The following GLIS3 variants were observed in gnomAD, a reference collection of about 807,000 sequenced individuals.
The protein encoded by GLIS3 is zinc finger protein GLIS3.
In GLIS3, 53 loss-of-function variants were observed where a neutral mutation model predicts 78.6. The observed-to-expected ratio is 0.67, with a 90% CI of 0.54 to 0.85. The LOEUF is 0.85. GLIS3 is among the 40% of genes least tolerant of loss of function. GLIS3 has a pLI of 0.00. For missense variants in GLIS3, 1,703 were observed against 1,231.1 expected (o/e 1.38, Z -5.74); for synonymous variants, 684 against 509.9 (o/e 1.34, Z -4.60).
At chr9:4,165,031 C>A (rs1835771261) in intron 2 of GLIS3, among the ~76,000 whole-genome samples, 1 of 152,082 alleles carries the variant, frequency 6.6e-6, no homozygotes, top group African/African-American at 2.4e-5. Flanking sequence ...TTGTGGAAAC[C>A]CATGTAGGCT....
chr9:4,012,774 T>C (rs1426357668), intron 4 of GLIS3, among the ~76,000 whole-genome samples: 1 of 140,942 alleles, frequency 7.1e-6, no homozygotes, highest in Non-Finnish European at 1.5e-5. Flanking sequence ...TCTTTTTTTT[T>C]TTTTTTTTTT....
At chr9:4,111,470 T>G (rs1379225716) in intron 4 of GLIS3, among the ~76,000 whole-genome samples, 1 of 152,226 alleles carries the variant, frequency 6.6e-6, no homozygotes, top group Admixed American at 6.5e-5. Context: ...CTGAATTAAA[T>G]GCCTTCTAAA....
intron 2 of GLIS3, among the ~76,000 whole-genome samples, chr9:4,133,143 T>C (rs1270160734): frequency 6.6e-6 from 1 of 152,224 alleles, no homozygotes; most frequent in Non-Finnish European, 1.5e-5. Context: ...CATCTCTATA[T>C]ATAAACTTAT....
chr9:4,450,826 C>G, the GLIS3 span, among the ~76,000 whole-genome samples: 1 of 152,172 alleles, frequency 6.6e-6, no homozygotes, highest in Non-Finnish European at 1.5e-5. Context: ...CCAGGCCTGC[C>G]TTATAAAGAG....
chr9:4,375,056 C>T, the GLIS3 span, among the ~76,000 whole-genome samples: 1 of 152,188 alleles, frequency 6.6e-6, no homozygotes, highest in East Asian at 1.9e-4. Flanking sequence ...TAAAATGATG[C>T]TTTGATTGCT....
chr9:4,303,929 T>C (rs1329907916), upstream of GLIS3, among the ~76,000 whole-genome samples: 1 of 152,234 alleles, frequency 6.6e-6, no homozygotes, highest in Non-Finnish European at 1.5e-5. Flanking sequence ...ATATGTGATG[T>C]TGTAAAATTA....
At chr9:4,370,543 C>G in the GLIS3 span, among the ~76,000 whole-genome samples, 1,171 of 152,208 alleles carry the variant, frequency 7.7e-3, 13 homozygotes, top group African/African-American at 0.026. Context: ...TTTGATCACA[C>G]CCTCTTTTTC....
the GLIS3 span, among the ~76,000 whole-genome samples, chr9:4,458,525 C>G: frequency 1.3e-5 from 2 of 152,194 alleles, no homozygotes; most frequent in African/African-American, 4.8e-5. Flanking sequence ...TGCAGTGGCT[C>G]ACTCCTGTAA....
chr9:4,419,781 AAAACAAAC>A, the GLIS3 span, among the ~76,000 whole-genome samples: 55 of 152,186 alleles, frequency 3.6e-4, no homozygotes, highest in Non-Finnish European at 6.5e-4. Flanking sequence ...CTCTGTCTCA[AAAACAAAC>A]AAACAAACAA....
intron 4 of GLIS3, among the ~76,000 whole-genome samples, chr9:4,077,625 G>C (rs1050994016): frequency 6.6e-6 from 1 of 152,160 alleles, no homozygotes; most frequent in African/African-American, 2.4e-5. Context: ...TGTTCTTTGA[G>C]ACACTGGAAA....
At chr9:3,839,027 C>T (rs867574094) in intron 9 of GLIS3, among the ~76,000 whole-genome samples, 8 of 152,164 alleles carry the variant, frequency 5.3e-5, no homozygotes, top group African/African-American at 1.9e-4. Context: ...GAGAAAGGCC[C>T]AGGGAATCAT....
intron 4 of GLIS3, among the ~76,000 whole-genome samples, chr9:4,014,159 G>A (rs1480285634): frequency 5.3e-5 from 8 of 152,294 alleles, no homozygotes; most frequent in Non-Finnish European, 8.8e-5. Context: ...AAAACCAATG[G>A]CTGGATTTGG....
chr9:4,121,458 G>A (rs181197386), intron 3 of GLIS3, among the ~76,000 whole-genome samples: 26 of 152,258 alleles, frequency 1.7e-4, no homozygotes, highest in African/African-American at 6.0e-4. Flanking sequence ...AAGTAAATAA[G>A]TAATCAATAT....
At chr9:3,941,735 C>G (rs1190118176) in intron 4 of GLIS3, among the ~76,000 whole-genome samples, 1 of 152,228 alleles carries the variant, frequency 6.6e-6, no homozygotes, top group African/African-American at 2.4e-5. Flanking sequence ...CATGAAGCCT[C>G]ACTTTGAGAG....
intron 4 of GLIS3, among the ~76,000 whole-genome samples, chr9:4,086,108 C>T (rs1216500310): frequency 7.2e-5 from 11 of 152,224 alleles, no homozygotes; most frequent in African/African-American, 2.4e-4. Context: ...ATGTCTCTCA[C>T]AATTTGACCT....
At chr9:3,869,761 A>G (rs1451954679) in intron 8 of GLIS3, among the ~76,000 whole-genome samples, 1 of 152,214 alleles carries the variant, frequency 6.6e-6, no homozygotes, top group Non-Finnish European at 1.5e-5. Context: ...AGTACATGGC[A>G]GTATGGAGGT....
chr9:4,049,512 A>C (rs1387984702), intron 4 of GLIS3, among the ~76,000 whole-genome samples: 2 of 152,146 alleles, frequency 1.3e-5, no homozygotes, highest in East Asian at 3.9e-4. Flanking sequence ...TGCCGGCAGG[A>C]GTGTCGTGTA....
At chr9:4,089,380 A>G (rs1829305409) in intron 4 of GLIS3, among the ~76,000 whole-genome samples, 2 of 152,196 alleles carry the variant, frequency 1.3e-5, no homozygotes, top group South Asian at 4.1e-4. Context: ...TTAAGAGAAA[A>G]TGTATATGTG....
chr9:4,025,917 A>C (rs1293542445), intron 4 of GLIS3, among the ~76,000 whole-genome samples: 1 of 152,188 alleles, frequency 6.6e-6, no homozygotes, highest in African/African-American at 2.4e-5. Context: ...TAGATTATTG[A>C]GAAATAATAG....
Sources: allele counts gnomAD v4.1 joint callset (sites outside exome capture counted in the v4.1 genomes callset), GRCh38; gene constraint gnomAD v4.1.1; transcripts MANE v1.5; gene names NCBI Gene and HGNC (gene_info 2026-07-23, HGNC 2026-07-21).